The following NCKAP5 variants were observed in gnomAD, a reference collection of about 807,000 sequenced individuals.
NCKAP5 encodes the protein nck-associated protein 5.
NCKAP5 carries 92 observed loss-of-function variants against 167.0 expected under a neutral mutation model. The observed-to-expected ratio is 0.55, with a 90% CI of 0.47 to 0.66. The LOEUF (loss-of-function observed/expected upper bound fraction) is 0.66, where lower values mean the gene tolerates loss of function less well. NCKAP5 is among the 30% of genes least tolerant of loss of function. The pLI, the probability that NCKAP5 is intolerant of heterozygous loss-of-function variation, is 0.00. For synonymous variants in NCKAP5, 891 were observed against 877.4 expected (o/e 1.02, Z -0.27); for missense variants, 2,378 against 2,315.0 (o/e 1.03, Z -0.56).
intron 4 of NCKAP5, among the ~76,000 whole-genome samples, chr2:133,263,503 CAA>C (rs1405419203): frequency 6.6e-6 from 1 of 151,850 alleles, no homozygotes; most frequent in African/African-American, 2.4e-5. Flanking sequence ...CTTCTTTGAA[CAA>C]AAGTTTTCAA....
intron 8 of NCKAP5, among the ~76,000 whole-genome samples, chr2:132,954,322 G>C (rs1001741958): frequency 6.6e-6 from 1 of 152,156 alleles, no homozygotes; most frequent in African/African-American, 2.4e-5. Flanking sequence ...GAGCATGTGG[G>C]TTGGGTGCTC....
chr2:133,387,179 G>C (rs886734805), intron 3 of NCKAP5, among the ~76,000 whole-genome samples: 1 of 152,164 alleles, frequency 6.6e-6, no homozygotes, highest in Non-Finnish European at 1.5e-5. Flanking sequence ...TGCAGTGGCT[G>C]GTACTGGTTG....
chr2:133,471,974 T>G (rs1207901712), intron 3 of NCKAP5, among the ~76,000 whole-genome samples: 2 of 152,224 alleles, frequency 1.3e-5, no homozygotes, highest in Non-Finnish European at 2.9e-5. Context: ...CTTAGTGTCC[T>G]GGATGTAGAA....
intron 5 of NCKAP5, among the ~76,000 whole-genome samples, chr2:133,198,477 T>C (rs1189948595): frequency 6.6e-6 from 1 of 152,098 alleles, no homozygotes; most frequent in Non-Finnish European, 1.5e-5. Context: ...TAGAAGGAAG[T>C]AGAACATTTT....
At chr2:132,916,491 T>A (rs555908651) in intron 8 of NCKAP5, among the ~76,000 whole-genome samples, 22 of 152,184 alleles carry the variant, frequency 1.4e-4, no homozygotes, top group African/African-American at 5.3e-4. Context: ...TACTGTAGGA[T>A]CCCATTAAAA....
intron 11 of NCKAP5, among the ~76,000 whole-genome samples, chr2:132,817,943 C>CTTTA (rs749071325): frequency 5.3e-5 from 8 of 152,056 alleles, no homozygotes; most frequent in African/African-American, 1.2e-4. Flanking sequence ...ATGTTAAATT[C>CTTTA]TTTATTTATT....
intron 2 of NCKAP5, among the ~76,000 whole-genome samples, chr2:133,544,002 GT>G (rs1686444535): frequency 6.6e-6 from 1 of 152,186 alleles, no homozygotes; most frequent in African/African-American, 2.4e-5. Flanking sequence ...TTGAAATGAA[GT>G]TAAACTACTG....
intron 8 of NCKAP5, among the ~76,000 whole-genome samples, chr2:132,939,006 G>A (rs1216395308): frequency 2.0e-5 from 3 of 152,066 alleles, no homozygotes; most frequent in Non-Finnish European, 4.4e-5. Flanking sequence ...TTACTTATGC[G>A]TGTATATTCA....
At chr2:132,996,768 A>AT (rs1200532119) in intron 6 of NCKAP5, among the ~76,000 whole-genome samples, 5 of 152,166 alleles carry the variant, frequency 3.3e-5, no homozygotes, top group African/African-American at 1.2e-4. Flanking sequence ...TTGCTAATTC[A>AT]TTTTTTAAAG....
intron 3 of NCKAP5, among the ~76,000 whole-genome samples, chr2:133,345,235 G>C (rs183844300): frequency 6.6e-6 from 1 of 152,032 alleles, no homozygotes; most frequent in East Asian, 1.9e-4. Context: ...AGTGAGGAGC[G>C]CCTTTGCCCA....
upstream of NCKAP5, among the ~76,000 whole-genome samples, chr2:133,571,925 A>G (rs1427064810): frequency 6.6e-6 from 1 of 152,038 alleles, no homozygotes; most frequent in Non-Finnish European, 1.5e-5. Context: ...CCGTGAGCCA[A>G]GATCGCACCA....
rs1409325293 is a variant in NCKAP5 at position 133,468,173 on chromosome 2, C to T, written c.69+49285G>A. 1.4e-5 allele frequency among the ~76,000 whole-genome samples: 2 copies of T among 138,028 alleles called. 1 individual carries two copies. The highest frequency in any genetic ancestry group is 3.1e-5 in the Non-Finnish European group (2 of 64,614). 90.6% of individuals were successfully genotyped at this position (138,028 alleles called of 152,430 possible). On this transcript the variant is annotated intron_variant, in intron 3 of 19. Transcript: ENST00000409261. ...AGTGCTGTAAATTTCCCTCTACATA[C>T]TGCTTTGAATGCATCCCAGAGATTC...
chr2:133,489,959 G>A (rs1335065582), intron 3 of NCKAP5, among the ~76,000 whole-genome samples: 1 of 152,172 alleles, frequency 6.6e-6, no homozygotes, highest in African/African-American at 2.4e-5. Flanking sequence ...GCTCTAAAGG[G>A]GAGATTTCCA....
intron 3 of NCKAP5, among the ~76,000 whole-genome samples, chr2:133,353,869 A>T (rs1427388821): frequency 2.0e-5 from 3 of 152,052 alleles, no homozygotes; most frequent in Non-Finnish European, 1.5e-5. Context: ...TACCTCCACC[A>T]CTCAGTAAAA....
chr2:132,903,084 T>C (rs889163498), intron 8 of NCKAP5, among the ~76,000 whole-genome samples: 3 of 152,152 alleles, frequency 2.0e-5, no homozygotes, highest in African/African-American at 4.8e-5. Context: ...GGATCACAGG[T>C]TGTTGTGAGG....
Position 133,125,217 on chromosome 2 carries a change from AC to A in NCKAP5, c.341+4760del, listed in dbSNP as rs1423272961. On this transcript the variant is annotated intron_variant, in intron 6 of 19. Transcript: ENST00000409261. ...ATCACCTAAGTGATCCCATTACTCT[AC>A]CTTTTTTTTTTTTTTTGTAAATCAC... Among the ~76,000 whole-genome samples, 5 of 144,822 alleles carry A rather than the reference AC, an allele frequency of 3.5e-5. No homozygotes were observed. The East Asian group carries it at 6.0e-4, about 17-fold the overall frequency.
intron 4 of NCKAP5, among the ~76,000 whole-genome samples, chr2:133,225,918 G>A: frequency 6.6e-6 from 1 of 151,446 alleles, no homozygotes. Flanking sequence ...GAGTAGCTGG[G>A]ACTACAGGCA....
At chr2:133,411,787 A>G (rs550332964) in intron 3 of NCKAP5, among the ~76,000 whole-genome samples, 4 of 152,350 alleles carry the variant, frequency 2.6e-5, no homozygotes, top group African/African-American at 4.8e-5. Context: ...AAATGCAGAA[A>G]GGAAGTATTT....
At chr2:133,361,119 G>C (rs1333679507) in intron 3 of NCKAP5, among the ~76,000 whole-genome samples, 13 of 151,950 alleles carry the variant, frequency 8.6e-5, no homozygotes. Flanking sequence ...GCTTTTCTAA[G>C]AGAATGCATC....
Sources: gnomAD v4.1 joint callset for allele counts (sites outside exome capture counted in the v4.1 genomes callset) on GRCh38, gnomAD v4.1.1 for gene constraint, MANE v1.5 for transcripts, NCBI Gene and HGNC (gene_info 2026-07-23, HGNC 2026-07-21) for gene names.